Variants in DNAH3 observed in about 807,000 individuals in gnomAD.
The protein encoded by DNAH3 is dynein axonemal heavy chain 3, also known as axonemal beta dynein heavy chain 3.
Under a neutral mutation model 432.5 loss-of-function variants are expected in DNAH3, and 332 were observed. That is an observed-to-expected ratio of 0.77 (90% CI 0.70 to 0.84). The LOEUF is 0.84. Among genes scored for constraint, DNAH3 ranks in the 40% least tolerant of loss-of-function variants. The pLI is 0.00. For missense variants in DNAH3, 4,861 were observed against 5,114.0 expected, an observed-to-expected ratio of 0.95 and a Z score of 1.51; for synonymous variants, 1,956 against 1,900.2, an observed-to-expected ratio of 1.03 and a Z score of -0.76.
chr16:21,131,036 T>G (rs890690955), intron 7 of DNAH3, among the ~76,000 whole-genome samples: 3 of 152,172 alleles, frequency 2.0e-5, no homozygotes, highest in Non-Finnish European at 2.9e-5. Flanking sequence ...GATTCCCATT[T>G]GCATGTAGAA....
chr16:21,127,795 A>G (rs765475155), exon 8 of DNAH3: 1 of 1,614,070 alleles, frequency 6.2e-7, no homozygotes, highest in Non-Finnish European at 8.5e-7. Flanking sequence ...TGTTCGAACA[A>G]ACCTGAGGTC....
chr16:21,096,098 A>C (rs2091670182), intron 18 of DNAH3, among the ~76,000 whole-genome samples: 1 of 151,116 alleles, frequency 6.6e-6, no homozygotes, highest in Non-Finnish European at 1.5e-5. Flanking sequence ...CTGAAGCACT[A>C]GAAACTTGCT....
chr16:20,973,549 G>A lies in DNAH3; in HGVS notation c.8259+1684C>T, dbSNP rs531424307. Reference sequence around the variant, plus strand: ...ATTACAGGCATGAGCCACCTTTCCCGGCCCTATCTGTCATTCTGAAGTCTC... The same window carrying A: ...ATTACAGGCATGAGCCACCTTTCCCAGCCCTATCTGTCATTCTGAAGTCTC... On this transcript the variant is annotated intron_variant, in intron 51 of 61. Coordinates refer to ENST00000261383, the Ensembl canonical transcript of DNAH3. Among the ~76,000 whole-genome samples, 14 of 152,244 alleles carry A rather than the reference G, an allele frequency of 9.2e-5. No homozygotes were observed. The South Asian group carries it at 1.5e-3, about 16-fold the overall frequency.
Position 20,959,469 on chromosome 16 carries a change from A to AT in DNAH3, c.10601-66dup, listed in dbSNP as rs1374888137. On this transcript the variant is annotated intron_variant, in intron 53 of 61. Transcript: ENST00000261383. ...GCCAGCTAACAGTAACAGAACAGCT[A>AT]TATCAACAATAACAACATGGCTGGG... 1.3e-5 allele frequency: 20 copies of AT among 1,490,704 alleles called. No homozygotes were observed. In the Admixed American group the frequency reaches 3.3e-4, roughly 25 times the overall value. The allele number at this position is 1,490,704 out of a possible 1,614,324, so 92.3% of individuals were successfully genotyped here. A position where few individuals can be genotyped will look rare whatever the true frequency, so the allele number is the denominator to read the frequency against.
intron 41 of DNAH3, among the ~76,000 whole-genome samples, chr16:21,013,729 A>C (rs1459330258): frequency 6.6e-6 from 1 of 151,346 alleles, no homozygotes; most frequent in East Asian, 1.9e-4. Context: ...CAAAAAAAAA[A>C]AAAAAAAAAA....
intron 54 of DNAH3, among the ~76,000 whole-genome samples, chr16:20,958,373 C>T (rs1444975929): frequency 1.3e-5 from 2 of 152,072 alleles, no homozygotes; most frequent in African/African-American, 4.8e-5. Context: ...CATGCCTGGA[C>T]AGAATTTTTT....
At chr16:21,073,504 TC>T (rs1482929538) in intron 21 of DNAH3, among the ~76,000 whole-genome samples, 1 of 149,664 alleles carries the variant, frequency 6.7e-6, no homozygotes, top group South Asian at 2.1e-4. Flanking sequence ...TTCCCTCTCA[TC>T]AGATCATGTA....
chr16:21,147,224 A>AT (rs796252295), intron 1 of DNAH3, among the ~76,000 whole-genome samples: 6,095 of 139,478 alleles, frequency 0.044, 306 homozygotes, highest in African/African-American at 0.13. Flanking sequence ...TGACTCTTGC[A>AT]TTTTTTTTTT....
At chr16:21,039,749 G>C in intron 33 of DNAH3, 103 bp downstream of exon 33, 1 of 912,070 alleles carries the variant, frequency 1.1e-6, no homozygotes, top group Non-Finnish European at 1.8e-6. Context: ...AGTTTCTCAA[G>C]CTTCTCTCTC....
rs564241678 is a variant in DNAH3 at position 21,050,223 on chromosome 16, A to G, written c.4239-205T>C. ...TTTTCCCAATTATATGAGCAATACA[A>G]TATCACTGTATTTTACTCGGCATTG... On this transcript the variant is annotated intron_variant, in intron 29 of 61. Transcript: ENST00000261383. Among the ~76,000 whole-genome samples, 160 of 152,332 alleles carry G rather than the reference A, an allele frequency of 1.1e-3. 4 individuals are homozygous for G. The highest frequency in any genetic ancestry group is 6.6e-3 in the South Asian group (32 of 4,826).
At chr16:21,028,042 C>A (rs2088661041) in intron 37 of DNAH3, among the ~76,000 whole-genome samples, 2 of 152,088 alleles carry the variant, frequency 1.3e-5, no homozygotes, top group Admixed American at 1.3e-4. Context: ...GACTGAAATA[C>A]AATGACACAT....
intron 20 of DNAH3, among the ~76,000 whole-genome samples, chr16:21,079,801 A>C (rs1414470313): frequency 2.0e-5 from 3 of 152,168 alleles, no homozygotes. Context: ...CCTGATAAAA[A>C]ACATTTGCGT....
At chr16:20,942,538 T>C (rs1395942296) in intron 58 of DNAH3, among the ~76,000 whole-genome samples, 2 of 152,156 alleles carry the variant, frequency 1.3e-5, no homozygotes, top group South Asian at 2.1e-4. Flanking sequence ...TGATACTTAA[T>C]GGCACTAGGA....
At chr16:21,125,449 G>A (rs2092428742) in intron 8 of DNAH3, 79 bp from the exon 10 acceptor site, 1 of 1,261,328 alleles carries the variant, frequency 7.9e-7, no homozygotes, top group Admixed American at 2.6e-5. Flanking sequence ...CCTGAGCTCA[G>A]TGATGAGGCA....
chr16:21,066,876 G>T (rs2090571087), intron 24 of DNAH3, among the ~76,000 whole-genome samples: 1 of 152,210 alleles, frequency 6.6e-6, no homozygotes, highest in Non-Finnish European at 1.5e-5. Context: ...AATACATGAA[G>T]TAGGGGCCAT....
rs528778640 is a variant in DNAH3 at position 20,995,407 on chromosome 16, A to G, written c.6601+1876T>C. Among the ~76,000 whole-genome samples the G allele has an allele frequency of 2.0e-5, 3 of 151,944 alleles. No homozygotes were observed. The South Asian group carries it at 6.2e-4, about 32-fold the overall frequency. On this transcript the variant is annotated intron_variant, in intron 44 of 61. Coordinates refer to ENST00000261383, the Ensembl canonical transcript of DNAH3. The stretch of plus-strand genomic sequence containing the variant: ...CAGCCTCCCGGGTAGCTGGGATAAC[A>G]GGTGTGCATCATGCCCGGCTAATTT...
chr16:21,115,034 C>T (rs1478384486), intron 12 of DNAH3, among the ~76,000 whole-genome samples: 9 of 152,224 alleles, frequency 5.9e-5, no homozygotes, highest in African/African-American at 2.2e-4. Flanking sequence ...AAATGTGGCA[C>T]ATATACACCA....
chr16:21,143,474 G>C (rs1320451056), intron 3 of DNAH3, among the ~76,000 whole-genome samples: 1 of 152,164 alleles, frequency 6.6e-6, no homozygotes, highest in Non-Finnish European at 1.5e-5. Flanking sequence ...TTGGTACCTT[G>C]ATCTCGGACT....
intron 51 of DNAH3, among the ~76,000 whole-genome samples, chr16:20,971,516 C>T (rs1238671577): frequency 6.6e-6 from 1 of 152,180 alleles, no homozygotes; most frequent in Non-Finnish European, 1.5e-5. Flanking sequence ...TTCTCCTCCT[C>T]CCTGGGTAGT....
Sources: allele counts gnomAD v4.1 joint callset (sites outside exome capture counted in the v4.1 genomes callset), GRCh38; gene constraint gnomAD v4.1.1; transcripts MANE v1.5; gene names NCBI Gene and HGNC (gene_info 2026-07-23, HGNC 2026-07-21).